The following OSBPL3 variants were observed in gnomAD, a reference collection of about 807,000 sequenced individuals.
OSBPL3 encodes oxysterol binding protein like 3, also known as oxysterol-binding protein-related protein 3.
OSBPL3 carries 65 observed loss-of-function variants against 120.1 expected under a neutral mutation model. The ratio of observed to expected loss-of-function variants is 0.54; its 90% CI spans 0.44 to 0.67. The LOEUF (loss-of-function observed/expected upper bound fraction) is 0.67, where lower values mean the gene tolerates loss of function less well. Ranked by LOEUF, OSBPL3 falls within the 30% of genes least tolerant of loss-of-function variation. OSBPL3 has a pLI of 0.00. For missense variants in OSBPL3, 1,004 were observed against 1,082.1 expected (o/e 0.93, Z 1.01); for synonymous variants, 416 against 402.6 (o/e 1.03, Z -0.40).
In OSBPL3 at chr7:24,803,354, T is replaced by A. The variant is rs960515294; in HGVS notation, c.2567+961A>T. Among the ~76,000 whole-genome samples the A allele has an allele frequency of 2.0e-5, 3 of 151,630 alleles. No homozygotes were observed. The highest frequency in any genetic ancestry group is 7.3e-5 in the African/African-American group (3 of 41,246). ...GGCCCTGGCCTGGTAGTGAGGAGAGTCAGGCCCCATTCCAGGGTATTATAC... is the reference window on the plus strand; with the variant it reads ...GGCCCTGGCCTGGTAGTGAGGAGAGACAGGCCCCATTCCAGGGTATTATAC... On this transcript the variant is annotated intron_variant, in intron 22 of 22. Coordinates refer to ENST00000313367, the MANE Select transcript of OSBPL3 (RefSeq NM_015550.4). The surrounding 1 kb of genome is among the most constrained non-coding windows in gnomAD (Gnocchi z 4.2).
chr7:24,804,252 A>C lies in OSBPL3; in HGVS notation c.2567+63T>G. The C allele has an allele frequency of 6.2e-7, 1 of 1,604,066 alleles. No individual in the cohort carries two copies. The highest frequency in any genetic ancestry group is 1.1e-5 in the South Asian group (1 of 90,750). On this transcript the variant is annotated intron_variant, in intron 22 of 22. Coordinates refer to ENST00000313367, the MANE Select transcript of OSBPL3 (RefSeq NM_015550.4). This position sits in a 1 kb window ranked among gnomAD's most constrained non-coding sequence, Gnocchi z 5.4. ...GGACAGTACTGTTCACTTTCTGCAA[A>C]CCAGAAGCATAACGTGCTGGCACCA... is the stretch of plus-strand genomic sequence containing the variant.
At position 24,830,841 on chromosome 7, in the gene OSBPL3, G is replaced by A. The variant is rs868494897; in HGVS notation, c.1811C>T (p.Pro604Leu). Residue 604 changes from proline to leucine, a missense_variant, in exon 16 of 23, where the codon CCA (proline) becomes CTA (leucine). This residue lies in a region of OSBPL3 where 473 missense variants were observed against 568.0 expected (regional missense o/e 0.83). Coordinates refer to ENST00000313367, the MANE Select transcript of OSBPL3 (RefSeq NM_015550.4). The surrounding 1 kb of genome is among the most constrained non-coding windows in gnomAD (Gnocchi z 4.4). Reference sequence around the variant, plus strand: ...TGTTTCTCCAAGAACCGGATTAAATGGCTTGCTTCCAGCTCGGTAGTAGCT... The same window carrying A: ...TGTTTCTCCAAGAACCGGATTAAATAGCTTGCTTCCAGCTCGGTAGTAGCT... Reference protein sequence around the residue: ...ASSYYRAGSKPFNPVLGETYE... With the variant: ...ASSYYRAGSKLFNPVLGETYE... The A allele has an allele frequency of 6.2e-7, 1 of 1,613,926 alleles. No homozygotes were observed. Among genetic ancestry groups the A allele is most frequent in the East Asian group, 2.2e-5 (1 of 44,892 alleles).
intron 12 of OSBPL3, among the ~76,000 whole-genome samples, chr7:24,845,872 C>A (rs576934981): frequency 5.3e-5 from 8 of 152,242 alleles, no homozygotes; most frequent in Non-Finnish European, 1.0e-4. Context: ...TTCAGCAGGG[C>A]ATGGTGGGTA....
At chr7:24,892,283 A>G in intron 2 of OSBPL3, 94 bp downstream of exon 2, 1 of 1,261,800 alleles carries the variant, frequency 7.9e-7, no homozygotes. Flanking sequence ...TCTTAAACTG[A>G]GAAGTAGGCT....
chr7:24,887,557 A>C (rs1804714494), intron 2 of OSBPL3, among the ~76,000 whole-genome samples: 1 of 152,222 alleles, frequency 6.6e-6, no homozygotes, highest in South Asian at 2.1e-4. Context: ...CCACAGGAAA[A>C]AGCAGGAGTT....
rs1373711316 is a variant in OSBPL3 at position 24,863,915 on chromosome 7, T to C, written c.674-316A>G. 2.6e-5 allele frequency among the ~76,000 whole-genome samples: 4 copies of C among 152,004 alleles called. No individual in the cohort carries two copies. The highest frequency in any genetic ancestry group is 1.3e-4 in the Admixed American group (2 of 15,268). On this transcript the variant is annotated intron_variant, in intron 7 of 22. Transcript: ENST00000313367. This position sits in a 1 kb window ranked among gnomAD's most constrained non-coding sequence, Gnocchi z 5.8. Reference sequence around the variant, plus strand: ...AATTATACATCACATGACAAGAGAGTTGTGAGAATTAAATGAGTTGATATT... The same window carrying C: ...AATTATACATCACATGACAAGAGAGCTGTGAGAATTAAATGAGTTGATATT...
chr7:24,838,525 C>T (rs1797296458), intron 14 of OSBPL3, among the ~76,000 whole-genome samples: 1 of 152,160 alleles, frequency 6.6e-6, no homozygotes, highest in Non-Finnish European at 1.5e-5. Flanking sequence ...TGTTAGTTAG[C>T]ATTCTCGCAA....
At chr7:24,911,003 C>T (rs1488307354) in intron 1 of OSBPL3, among the ~76,000 whole-genome samples, 1 of 152,230 alleles carries the variant, frequency 6.6e-6, no homozygotes, top group East Asian at 1.9e-4. Context: ...TCCTGAGACA[C>T]TCCCAGGTGA....
chr7:24,815,273 T>C lies in OSBPL3; in HGVS notation c.2028-70A>G. 7.9e-7 allele frequency: 1 copy of C among 1,264,776 alleles called. No homozygotes were observed. Among genetic ancestry groups the C allele is most frequent in the South Asian group, 1.2e-5 (1 of 80,010 alleles). The allele number at this position is 1,264,776 out of a possible 1,614,324, so 78.3% of individuals were successfully genotyped here. A position where few individuals can be genotyped will look rare whatever the true frequency, so the allele number is the denominator to read the frequency against. The stretch of plus-strand genomic sequence containing the variant: ...AGCAGCAAATGCAAACAAACTCTGC[T>C]CTTTTATAAAATAAGTCATGCAATG... On this transcript the variant is annotated intron_variant, in intron 18 of 22. Transcript: ENST00000313367. The surrounding 1 kb of genome is among the most constrained non-coding windows in gnomAD (Gnocchi z 5.1).
At chr7:24,864,446 G>A (rs1271192242) in intron 7 of OSBPL3, among the ~76,000 whole-genome samples, 1 of 152,184 alleles carries the variant, frequency 6.6e-6, no homozygotes, top group African/African-American at 2.4e-5. Context: ...GGACGCTGCT[G>A]CTCCAGAGAC....
Position 24,863,721 on chromosome 7 carries a change from G to C in OSBPL3, c.674-122C>G, listed in dbSNP as rs143546313. ...GTTGATTTTTTTTTTCATCTGTAAG[G>C]GTTGGAAATTTTACTTCCTTTTTTA... On this transcript the variant is annotated intron_variant, in intron 7 of 22. Transcript: ENST00000313367. The surrounding 1 kb of genome is among the most constrained non-coding windows in gnomAD (Gnocchi z 5.8). 6.1e-6 allele frequency: 4 copies of C among 659,898 alleles called. No homozygotes were observed. The highest frequency in any genetic ancestry group is 1.1e-5 in the Non-Finnish European group (4 of 380,408). 40.9% of individuals were successfully genotyped at this position (659,898 alleles called of 1,614,324 possible). A position where few individuals can be genotyped will look rare whatever the true frequency, so the allele number is the denominator to read the frequency against.
intron 19 of OSBPL3, 152 bp from the exon 20 acceptor site, chr7:24,810,103 G>A (rs1793591669): frequency 4.2e-6 from 3 of 707,096 alleles, no homozygotes; most frequent in East Asian, 2.6e-5. Context: ...TTTTTTAACC[G>A]ACAAATAAAA....
intron 2 of OSBPL3, among the ~76,000 whole-genome samples, chr7:24,876,368 CATT>C (rs1473347521): frequency 6.6e-6 from 1 of 152,016 alleles, no homozygotes; most frequent in African/African-American, 2.4e-5. Context: ...CTGTAAATTA[CATT>C]ATTATTACTG....
chr7:24,928,098 C>T (rs567472454), intron 1 of OSBPL3, among the ~76,000 whole-genome samples: 1 of 152,260 alleles, frequency 6.6e-6, no homozygotes, highest in Admixed American at 6.5e-5. Context: ...TCTGCTCCCC[C>T]TTCGCCTTCT....
In OSBPL3 at chr7:24,891,742, A is replaced by G. The variant is rs565225568; in HGVS notation, c.96+635T>C. On this transcript the variant is annotated intron_variant, in intron 2 of 22. Transcript: ENST00000313367. The surrounding 1 kb of genome is among the most constrained non-coding windows in gnomAD (Gnocchi z 4.1). ...ATATATAATTACTCAACAGTTATTTAGGAGTTAATTATTCATTCCTTTGTT... is the reference window on the plus strand; with the variant it reads ...ATATATAATTACTCAACAGTTATTTGGGAGTTAATTATTCATTCCTTTGTT... 2.6e-5 allele frequency among the ~76,000 whole-genome samples: 4 copies of G among 152,240 alleles called. No homozygotes were observed. The highest frequency in any genetic ancestry group is 5.9e-5 in the Non-Finnish European group (4 of 68,036).
rs1256795424 is a variant in OSBPL3, at chr7:24,803,370, G to GGCCTGATTATACCTGACAGGTATAATCCA, written c.2567+944_2567+945insTGGATTATACCTGTCAGGTATAATCAGGC. ...TGAGGAGAGTCAGGCCCCATTCCAG[G>GGCCTGATTATACCTGACAGGTATAATCCA]GTATTATACCGAGTCCTTCAACAGA... is the stretch of plus-strand genomic sequence containing the variant. On this transcript the variant is annotated intron_variant, in intron 22 of 22. Coordinates refer to ENST00000313367, the MANE Select transcript of OSBPL3 (RefSeq NM_015550.4). This position sits in a 1 kb window ranked among gnomAD's most constrained non-coding sequence, Gnocchi z 4.2. Among the ~76,000 whole-genome samples the GGCCTGATTATACCTGACAGGTATAATCCA allele has an allele frequency of 1.3e-5, 2 of 152,102 alleles. No homozygotes were observed. The highest frequency in any genetic ancestry group is 2.9e-5 in the Non-Finnish European group (2 of 68,018).
chr7:24,828,763 AT>A (rs562215516), intron 16 of OSBPL3, among the ~76,000 whole-genome samples: 110 of 145,538 alleles, frequency 7.6e-4, no homozygotes, highest in African/African-American at 1.0e-3. Context: ...TAATTTACAG[AT>A]TTTTTTTTTT....
chr7:24,845,638 A>C lies in OSBPL3; in HGVS notation c.1267-3225T>G, dbSNP rs534055323. 2.6e-3 allele frequency among the ~76,000 whole-genome samples: 382 copies of C among 149,302 alleles called. 1 individual carries two copies. Among genetic ancestry groups the C allele is most frequent in the Non-Finnish European group, 4.9e-3 (333 of 67,530 alleles). ...GTCTATTATTTGCCTTATTGTTTTG[A>C]CACACATCACTTTTTCCTAAAAAAA... On this transcript the variant is annotated intron_variant, in intron 12 of 22. Coordinates refer to ENST00000313367, the MANE Select transcript of OSBPL3 (RefSeq NM_015550.4).
rs1009272819 is a variant in OSBPL3, at chr7:24,854,768, G to A, written c.1028-2134C>T. On this transcript the variant is annotated intron_variant, in intron 10 of 22. Coordinates refer to ENST00000313367, the MANE Select transcript of OSBPL3 (RefSeq NM_015550.4). This position sits in a 1 kb window ranked among gnomAD's most constrained non-coding sequence, Gnocchi z 4.1. ...CCATGACCTTGGATGAGTAAATGAT[G>A]TGCCTGAACCCTGGTTTCCACATTT... Among the ~76,000 whole-genome samples, 3 of 152,202 alleles carry A rather than the reference G, an allele frequency of 2.0e-5. No individual in the cohort carries two copies. Among genetic ancestry groups the A allele is most frequent in the African/African-American group, 7.2e-5 (3 of 41,444 alleles).
Sources: gnomAD v4.1 joint callset for allele counts (sites outside exome capture counted in the v4.1 genomes callset) on GRCh38, gnomAD v4.1.1 for gene constraint, gnomAD v4.1.1 regional missense constraint, Gnocchi (gnomAD v3.1) non-coding constraint, MANE v1.5 for transcripts, NCBI Gene and HGNC (gene_info 2026-07-23, HGNC 2026-07-21) for gene names.